The following NALF1 variants were observed in gnomAD, a reference collection of about 807,000 sequenced individuals.
NALF1 encodes the protein NALCN channel auxiliary factor 1, also known as family with sequence similarity 155 member A.
A neutral mutation model predicts 48.4 loss-of-function variants in NALF1; 3 were observed. The observed-to-expected ratio is 0.06, with a 90% CI of 0.03 to 0.16. NALF1 has a LOEUF of 0.16. Ranked by LOEUF, NALF1 falls within the 10% of genes least tolerant of loss-of-function variation. NALF1 has a pLI of 1.00. For synonymous variants in NALF1, 262 were observed against 245.7 expected, an observed-to-expected ratio of 1.07 and a Z score of -0.62; for missense variants, 526 against 571.5, an observed-to-expected ratio of 0.92 and a Z score of 0.81.
rs183252337 is a variant in NALF1 at position 107,593,574 on chromosome 13, A to G, written c.915+272108T>C. Among the ~76,000 whole-genome samples the G allele has an allele frequency of 1.6e-3, 241 of 152,020 alleles. 1 individual carries two copies. The highest frequency in any genetic ancestry group is 5.5e-3 in the African/African-American group (227 of 41,510). ...CACAGGACTTTAAAACTGCTGAGAGACCTAAGTCTATCTCCCCAAATTTTG... is the reference window on the plus strand; with the variant it reads ...CACAGGACTTTAAAACTGCTGAGAGGCCTAAGTCTATCTCCCCAAATTTTG... On this transcript the variant is annotated intron_variant, in intron 1 of 2. Coordinates refer to ENST00000375915, the MANE Select transcript of NALF1 (RefSeq NM_001080396.3).
intron 1 of NALF1, among the ~76,000 whole-genome samples, chr13:107,727,234 T>C (rs1007083374): frequency 6.6e-6 from 1 of 152,088 alleles, no homozygotes; most frequent in Non-Finnish European, 1.5e-5. Flanking sequence ...ATAATACACA[T>C]AAAGAAACAA....
intron 1 of NALF1, among the ~76,000 whole-genome samples, chr13:107,337,429 T>C (rs915805403): frequency 9.2e-5 from 14 of 152,200 alleles, no homozygotes; most frequent in African/African-American, 3.4e-4. Flanking sequence ...CATCTCTCTT[T>C]GCAATTCTTC....
At chr13:107,854,507 C>A (rs908292305) in intron 1 of NALF1, among the ~76,000 whole-genome samples, 4 of 152,218 alleles carry the variant, frequency 2.6e-5, no homozygotes, top group African/African-American at 9.7e-5. Flanking sequence ...ACTTGCTTCT[C>A]TCCAAACTCT....
chr13:107,583,044 T>C (rs577385640), intron 1 of NALF1, among the ~76,000 whole-genome samples: 26 of 152,268 alleles, frequency 1.7e-4, no homozygotes, highest in South Asian at 1.2e-3. Flanking sequence ...GCAATGCATA[T>C]AGGAGTAGGA....
chr13:107,192,031 A>T (rs61621546), intron 2 of NALF1, among the ~76,000 whole-genome samples: 3,216 of 151,758 alleles, frequency 0.021, 129 homozygotes, highest in African/African-American at 0.074. Context: ...AAGAATGTGC[A>T]TGACCGATGA....
intron 1 of NALF1, among the ~76,000 whole-genome samples, chr13:107,453,437 G>A (rs1356630364): frequency 6.6e-6 from 1 of 152,226 alleles, no homozygotes; most frequent in Non-Finnish European, 1.5e-5. Context: ...TGAAGCCATG[G>A]CCTGAGTTGT....
intron 1 of NALF1, among the ~76,000 whole-genome samples, chr13:107,558,756 A>G (rs1877556151): frequency 6.6e-6 from 1 of 152,186 alleles, no homozygotes; most frequent in African/African-American, 2.4e-5. Flanking sequence ...CTGTAGACTG[A>G]GTAAAGATGA....
At chr13:107,710,763 G>A (rs892551658) in intron 1 of NALF1, among the ~76,000 whole-genome samples, 3 of 107,874 alleles carry the variant, frequency 2.8e-5, no homozygotes, top group African/African-American at 9.6e-5. Flanking sequence ...ATACATATAT[G>A]TATACACACA....
At chr13:107,462,190 A>G (rs956197051) in intron 1 of NALF1, among the ~76,000 whole-genome samples, 9 of 152,188 alleles carry the variant, frequency 5.9e-5, no homozygotes, top group Non-Finnish European at 1.3e-4. Context: ...TCCTACAGTA[A>G]CTATAAATCA....
At chr13:107,615,807 T>G (rs1879363218) in intron 1 of NALF1, among the ~76,000 whole-genome samples, 1 of 152,346 alleles carries the variant, frequency 6.6e-6, no homozygotes, top group African/African-American at 2.4e-5. Context: ...ATATTATCAC[T>G]TATATCTTCA....
rs888693088 is a variant in NALF1, at chr13:107,635,285, C to T, written c.915+230397G>A. Among the ~76,000 whole-genome samples the T allele has an allele frequency of 2.6e-5, 4 of 152,146 alleles. No individual in the cohort carries two copies. In the East Asian group the frequency reaches 7.7e-4, roughly 29 times the overall value. On this transcript the variant is annotated intron_variant, in intron 1 of 2. Transcript: ENST00000375915. ...CAGTTCCTCATGGCTCGGGAGGCCT[C>T]AGGAAACTTACAGTCATGGCAGAAG...
chr13:107,836,016 G>T (rs115188430), intron 1 of NALF1, among the ~76,000 whole-genome samples: 5,922 of 152,182 alleles, frequency 0.039, 400 homozygotes, highest in African/African-American at 0.14. Flanking sequence ...TTTTGAGACA[G>T]GGTCTTGCTC....
At chr13:107,390,219 G>A (rs1291246127) in intron 1 of NALF1, among the ~76,000 whole-genome samples, 3 of 151,868 alleles carry the variant, frequency 2.0e-5, no homozygotes, top group South Asian at 2.1e-4. Flanking sequence ...TTAGCCTGGC[G>A]TAGTGGCATG....
intron 1 of NALF1, among the ~76,000 whole-genome samples, chr13:107,680,947 C>T (rs2138495629): frequency 1.5e-5 from 1 of 64,898 alleles, no homozygotes; most frequent in East Asian, 5.8e-4. Context: ...ATGAGTGTAA[C>T]AGTGTGTGTG....
chr13:107,781,073 G>C (rs1877873561), intron 1 of NALF1, among the ~76,000 whole-genome samples: 1 of 152,108 alleles, frequency 6.6e-6, no homozygotes, highest in Non-Finnish European at 1.5e-5. Flanking sequence ...ATTTATAGTG[G>C]ATTTGCATCA....
At chr13:107,601,891 G>A (rs1282703181) in intron 1 of NALF1, among the ~76,000 whole-genome samples, 26 of 151,758 alleles carry the variant, frequency 1.7e-4, no homozygotes, top group Non-Finnish European at 2.9e-5. Context: ...AGAAATTACT[G>A]AGGCTCCCTC....
intron 1 of NALF1, among the ~76,000 whole-genome samples, chr13:107,679,715 C>CAGG (rs1881228318): frequency 1.3e-5 from 2 of 152,140 alleles, no homozygotes; most frequent in Non-Finnish European, 2.9e-5. Flanking sequence ...GCAACCTGGC[C>CAGG]TTCCCTGGTG....
chr13:107,223,282 A>G (rs533973846), intron 1 of NALF1, among the ~76,000 whole-genome samples: 36 of 152,338 alleles, frequency 2.4e-4, no homozygotes, highest in African/African-American at 8.4e-4. Context: ...ATACACACAC[A>G]TATATATAAG....
chr13:107,338,918 G>A (rs61967179), intron 1 of NALF1, among the ~76,000 whole-genome samples: 1 of 151,996 alleles, frequency 6.6e-6, no homozygotes, highest in African/African-American at 2.4e-5. Context: ...GGATCACGAG[G>A]TCAGGAGGTC....
Sources: allele counts gnomAD v4.1 joint callset (sites outside exome capture counted in the v4.1 genomes callset), GRCh38; gene constraint gnomAD v4.1.1; transcripts MANE v1.5; gene names NCBI Gene and HGNC (gene_info 2026-07-23, HGNC 2026-07-21).